FBRSL1: variants seen among roughly 807,000 people sequenced by gnomAD.
FBRSL1 encodes fibrosin like 1, also known as fibrosin-1-like protein.
Under a neutral mutation model 89.6 loss-of-function variants are expected in FBRSL1, and 51 were observed. The observed-to-expected ratio is 0.57, with a 90% CI of 0.45 to 0.72. The LOEUF (loss-of-function observed/expected upper bound fraction) is 0.72. FBRSL1 is among the 30% of genes least tolerant of loss of function. FBRSL1 has a pLI of 0.00. For synonymous variants in FBRSL1, 779 were observed against 681.1 expected (o/e 1.14, Z -2.24); for missense variants, 1,618 against 1,451.8 (o/e 1.11, Z -1.86).
chr12:132,523,714 G>A lies in FBRSL1; in HGVS notation c.490-2020G>A, dbSNP rs147434833. Among the ~76,000 whole-genome samples, 699 of 152,302 alleles carry A rather than the reference G, an allele frequency of 4.6e-3. 5 individuals are homozygous for A. Among genetic ancestry groups the A allele is most frequent in the African/African-American group, 0.016 (670 of 41,550 alleles). On this transcript the variant is annotated intron_variant, in intron 2 of 18. Coordinates refer to ENST00000680143, the MANE Select transcript of FBRSL1 (RefSeq NM_001367871.1). ...CTAGAAGTGAGTGCAGGGCTCATGG[G>A]GCCATCGCCAATGGTCAGACTCCCC...
intron 1 of FBRSL1, among the ~76,000 whole-genome samples, chr12:132,491,867 CAG>C (rs2136293573): frequency 6.6e-6 from 1 of 152,338 alleles, no homozygotes; most frequent in East Asian, 1.9e-4. Context: ...AGTGCACAGT[CAG>C]AGCTGGGGCT....
At chr12:132,528,023 C>T in intron 4 of FBRSL1, 35 bp downstream of exon 4, 1 of 1,547,502 alleles carries the variant, frequency 6.5e-7, no homozygotes, top group South Asian at 1.2e-5. Context: ...CATCTTTGTC[C>T]CCCTGGGGCC....
intron 14 of FBRSL1, among the ~76,000 whole-genome samples, chr12:132,575,157 C>T (rs1044102550): frequency 2.6e-5 from 4 of 152,206 alleles, no homozygotes; most frequent in African/African-American, 4.8e-5. Context: ...ACGCACGTCA[C>T]CTCCGCACAC....
chr12:132,531,373 G>T (rs2036263378), intron 4 of FBRSL1, among the ~76,000 whole-genome samples: 1 of 152,132 alleles, frequency 6.6e-6, no homozygotes, highest in African/African-American at 2.4e-5. Context: ...GGGCGTGTGT[G>T]TGCATGTGCA....
In FBRSL1 at chr12:132,508,299, C is replaced by T. The variant is rs1250383630; in HGVS notation, c.438C>T (p.Leu146=). The change falls in exon 2 of 19, where the codon CTC becomes CTT. Residue 146 remains leucine, a synonymous_variant. Coordinates refer to ENST00000680143, the MANE Select transcript of FBRSL1 (RefSeq NM_001367871.1). The part of the protein sequence containing the change: ...PLEAGSPGQD[L]EPACDGARKV... ...AGGCAGGCAGCCCCGGGCAGGACCT[C>T]GAACCCGCCTGCGATGGGGCGAGAA... The T allele has an allele frequency of 3.9e-6, 6 of 1,548,972 alleles. No homozygotes were observed. Among genetic ancestry groups the T allele is most frequent in the South Asian group, 2.4e-5 (2 of 83,930 alleles).
intron 4 of FBRSL1, among the ~76,000 whole-genome samples, chr12:132,543,807 G>A (rs2037460224): frequency 6.6e-6 from 1 of 152,238 alleles, no homozygotes; most frequent in Non-Finnish European, 1.5e-5. Context: ...TCTCACGGAG[G>A]ACGAAACCGG....
rs568030305 is a variant in FBRSL1, at chr12:132,527,991, A to G, written c.615+3A>G. On this transcript the variant is annotated splice_donor_region_variant and intron_variant, in intron 4 of 18. Coordinates refer to ENST00000680143, the MANE Select transcript of FBRSL1 (RefSeq NM_001367871.1). ...CGGTCTCGGGGAGAGGCTACTCTGT[A>G]AGTCTCCCAGCACCCCTCCTCCATC... The G allele has an allele frequency of 1.3e-6, 2 of 1,551,094 alleles. No individual in the cohort carries two copies. The highest frequency in any genetic ancestry group is 2.4e-5 in the South Asian group (2 of 84,040).
intron 1 of FBRSL1, among the ~76,000 whole-genome samples, chr12:132,493,524 C>A (rs1218859758): frequency 6.6e-6 from 1 of 152,190 alleles, no homozygotes; most frequent in African/African-American, 2.4e-5. Context: ...CTGGGGCAGA[C>A]CCCCACTCGC....
chr12:132,548,913 C>G (rs2037918766), intron 5 of FBRSL1, among the ~76,000 whole-genome samples: 1 of 152,206 alleles, frequency 6.6e-6, no homozygotes, highest in African/African-American at 2.4e-5. Flanking sequence ...AGACGCTGCC[C>G]TGGGTTTCCA....
intron 4 of FBRSL1, among the ~76,000 whole-genome samples, chr12:132,528,541 G>C (rs2035989826): frequency 6.6e-6 from 1 of 151,922 alleles, no homozygotes; most frequent in Admixed American, 6.5e-5. Context: ...CCTGTGTGCA[G>C]CCTTCATGAC....
In FBRSL1 at chr12:132,583,808, G is replaced by C. The variant is rs1455312312; in HGVS notation, c.*30G>C. On this transcript the variant is annotated 3_prime_UTR_variant, in exon 19 of 19. Coordinates refer to ENST00000680143, the MANE Select transcript of FBRSL1 (RefSeq NM_001367871.1). ...GGGGCCGCAGACGCCTCTCCGAGCG[G>C]AGCGCACCGCTGTCCGTCTCTCCAT... 2.6e-6 allele frequency: 3 copies of C among 1,164,608 alleles called. No homozygotes were observed. The highest frequency in any genetic ancestry group is 3.2e-6 in the Non-Finnish European group (3 of 934,816). The allele number at this position is 1,164,608 out of a possible 1,614,324, so 72.1% of individuals were successfully genotyped here. A position where few individuals can be genotyped will look rare whatever the true frequency, so the allele number is the denominator to read the frequency against.
In FBRSL1 at chr12:132,509,586, C is replaced by T. The variant is rs151061834; in HGVS notation, c.489+1236C>T. 7,224 of 1,232,578 alleles carry T rather than the reference C, an allele frequency of 5.9e-3. 28 individuals carry two copies. The highest frequency in any genetic ancestry group is 6.7e-3 in the Non-Finnish European group (6,630 of 988,660). The allele number at this position is 1,232,578 out of a possible 1,614,324, so 76.4% of individuals were successfully genotyped here. A position where few individuals can be genotyped will look rare whatever the true frequency, so the allele number is the denominator to read the frequency against. On this transcript the variant is annotated intron_variant, in intron 2 of 18. Coordinates refer to ENST00000680143, the MANE Select transcript of FBRSL1 (RefSeq NM_001367871.1). ...GCTGACCCCGTGTCACCACTGCCGG[C>T]GCCTGCGGTCCCTCCTGGCCCCACG...
At chr12:132,508,067 C>G (rs1045406060) in intron 1 of FBRSL1, 86 bp from the exon 2 acceptor site, 3 of 1,353,870 alleles carry the variant, frequency 2.2e-6, no homozygotes, top group Non-Finnish European at 3.0e-6. Flanking sequence ...GAGGCTCCTT[C>G]CCAAGAGCTG....
chr12:132,494,660 AT>A (rs2031690086), intron 1 of FBRSL1, among the ~76,000 whole-genome samples: 3 of 152,172 alleles, frequency 2.0e-5, no homozygotes, highest in Non-Finnish European at 4.4e-5. Context: ...GTTAATTTGC[AT>A]TTTTCAAACA....
At chr12:132,520,644 G>A (rs1320808013) in intron 2 of FBRSL1, among the ~76,000 whole-genome samples, 1 of 152,220 alleles carries the variant, frequency 6.6e-6, no homozygotes, top group Non-Finnish European at 1.5e-5. Flanking sequence ...CTGTGGTAGG[G>A]CTGAAGGCAG....
At position 132,583,327 on chromosome 12, in the gene FBRSL1, A is replaced by G; in HGVS notation, c.2558A>G (p.Glu853Gly). ...ERLGAPGFAWEPFRGLELPRR... is the reference protein window; with the variant it reads ...ERLGAPGFAWGPFRGLELPRR... Reference sequence around the variant, plus strand: ...CTGGGCGCGCCGGGCTTCGCGTGGGAGCCTTTCCGCGGCCTGGAGCTGCCA... The same window carrying G: ...CTGGGCGCGCCGGGCTTCGCGTGGGGGCCTTTCCGCGGCCTGGAGCTGCCA... Residue 853 changes from glutamate (E) to glycine (G), a missense_variant, in exon 19 of 19, where the codon GAG (glutamate) becomes GGG (glycine). Coordinates refer to ENST00000680143, the MANE Select transcript of FBRSL1 (RefSeq NM_001367871.1). 4 of 1,187,020 alleles carry G rather than the reference A, an allele frequency of 3.4e-6. No individual in the cohort carries two copies. Among genetic ancestry groups the G allele is most frequent in the Non-Finnish European group, 4.2e-6 (4 of 956,734 alleles). 73.5% of individuals were successfully genotyped at this position (1,187,020 alleles called of 1,614,324 possible).
intron 18 of FBRSL1, among the ~76,000 whole-genome samples, chr12:132,582,596 A>ACCACAGGCAC (rs1223350975): frequency 6.6e-6 from 1 of 151,422 alleles, no homozygotes; most frequent in Admixed American, 6.6e-5. Context: ...TGAAGACCCC[A>ACCACAGGCAC]CCACAGGCAC....
intron 5 of FBRSL1, among the ~76,000 whole-genome samples, chr12:132,556,073 C>T (rs1176901501): frequency 1.3e-5 from 2 of 152,198 alleles, no homozygotes; most frequent in Non-Finnish European, 1.5e-5. Context: ...TCTGCACTTT[C>T]CCTGGGAGCT....
At chr12:132,540,438 C>T (rs1364300433) in intron 4 of FBRSL1, among the ~76,000 whole-genome samples, 2 of 150,476 alleles carry the variant, frequency 1.3e-5, no homozygotes, top group Admixed American at 6.6e-5. Flanking sequence ...CCCAGCTGGT[C>T]CCGGCCACCT....
Sources: allele counts gnomAD v4.1 joint callset (sites outside exome capture counted in the v4.1 genomes callset), GRCh38; gene constraint gnomAD v4.1.1; transcripts MANE v1.5; gene names NCBI Gene and HGNC (gene_info 2026-07-23, HGNC 2026-07-21).